Variants in CDH18 observed in about 807,000 individuals in gnomAD.
CDH18 encodes cadherin 18.
In CDH18, 31 loss-of-function variants were observed where a neutral mutation model predicts 67.9. The observed-to-expected ratio is 0.46, with a 90% CI of 0.34 to 0.62. The LOEUF (loss-of-function observed/expected upper bound fraction) is 0.62, where lower values mean the gene tolerates loss of function less well. Ranked by LOEUF, CDH18 falls within the 20% of genes least tolerant of loss-of-function variation. CDH18 has a pLI of 0.01. For synonymous variants in CDH18, 362 were observed against 347.2 expected (o/e 1.04, Z -0.48); for missense variants, 890 against 975.5 (o/e 0.91, Z 1.17).
At chr5:20,336,307 G>A (rs1377532990) in intron 1 of CDH18, among the ~76,000 whole-genome samples, 1 of 152,148 alleles carries the variant, frequency 6.6e-6, no homozygotes, top group Non-Finnish European at 1.5e-5. Flanking sequence ...GTTAGGGGCT[G>A]GTTAGGCAGA....
intron 2 of CDH18, among the ~76,000 whole-genome samples, chr5:19,843,760 A>G (rs573014907): frequency 1.2e-4 from 18 of 152,310 alleles, no homozygotes; most frequent in African/African-American, 4.1e-4. Context: ...ACAGGAGTGG[A>G]GCTACCCTAG....
intron 6 of CDH18, among the ~76,000 whole-genome samples, chr5:19,602,734 C>A (rs1051634406): frequency 1.3e-5 from 2 of 151,950 alleles, no homozygotes; most frequent in Non-Finnish European, 2.9e-5. Context: ...GTGGCCAAGG[C>A]AGGTGGATCA....
At chr5:20,043,458 A>G (rs1740626606) in intron 2 of CDH18, among the ~76,000 whole-genome samples, 1 of 152,214 alleles carries the variant, frequency 6.6e-6, no homozygotes, top group Non-Finnish European at 1.5e-5. Context: ...ACACCAGGCC[A>G]TAGAACTTGT....
chr5:20,209,489 A>T (rs1022684735), intron 2 of CDH18, among the ~76,000 whole-genome samples: 3 of 152,084 alleles, frequency 2.0e-5, no homozygotes, highest in Non-Finnish European at 4.4e-5. Flanking sequence ...AAGTGAAATA[A>T]GCTAAGCACA....
intron 6 of CDH18, among the ~76,000 whole-genome samples, chr5:19,606,010 G>A (rs1414088206): frequency 6.6e-6 from 1 of 152,120 alleles, no homozygotes; most frequent in Non-Finnish European, 1.5e-5. Context: ...GAAGGCAAAG[G>A]CGCTAGGCAG....
At chr5:19,689,796 T>A (rs1206211359) in intron 5 of CDH18, among the ~76,000 whole-genome samples, 3 of 151,774 alleles carry the variant, frequency 2.0e-5, no homozygotes, top group African/African-American at 7.2e-5. Flanking sequence ...TATAAATAAA[T>A]TAGACTTTTT....
chr5:20,411,929 G>A, intron 1 of CDH18, among the ~76,000 whole-genome samples: 1 of 151,968 alleles, frequency 6.6e-6, no homozygotes, highest in Non-Finnish European at 1.5e-5. Context: ...GGAATGAAAG[G>A]ATCAATATCA....
intron 2 of CDH18, among the ~76,000 whole-genome samples, chr5:20,159,926 G>A (rs910379437): frequency 1.1e-4 from 17 of 152,066 alleles, no homozygotes; most frequent in Admixed American, 2.6e-4. Flanking sequence ...CTCTCACCAA[G>A]AATCTCACTT....
chr5:20,098,620 A>G lies in CDH18; in HGVS notation c.-517-106606T>C, dbSNP rs548800995. On this transcript the variant is annotated intron_variant, in intron 2 of 14. Coordinates refer to the CDH18 transcript ENST00000507958. ...AGAAATTATATCATCAGAAAATAATAATTTATTGTCATTTTCAATTTTTTC... is the reference window on the plus strand; with the variant it reads ...AGAAATTATATCATCAGAAAATAATGATTTATTGTCATTTTCAATTTTTTC... Among the ~76,000 whole-genome samples the G allele has an allele frequency of 2.6e-5, 4 of 152,206 alleles. No individual in the cohort carries two copies. The East Asian group carries it at 7.7e-4, about 29-fold the overall frequency.
chr5:19,569,805 T>C (rs1177943531), intron 8 of CDH18, among the ~76,000 whole-genome samples: 2 of 152,150 alleles, frequency 1.3e-5, no homozygotes, highest in African/African-American at 4.8e-5. Flanking sequence ...AAACGATACA[T>C]ATTTAAGGTG....
At chr5:20,557,100 T>C (rs1581196543) in intron 1 of CDH18, among the ~76,000 whole-genome samples, 1 of 152,148 alleles carries the variant, frequency 6.6e-6, no homozygotes, top group Admixed American at 6.6e-5. Context: ...CTAGTATGTA[T>C]GTTCATATGT....
chr5:19,798,470 C>T (rs1256254978), intron 3 of CDH18, among the ~76,000 whole-genome samples: 1 of 151,876 alleles, frequency 6.6e-6, no homozygotes, highest in Non-Finnish European at 1.5e-5. Context: ...AATACTCATA[C>T]CTGATAAGCA....
intron 2 of CDH18, among the ~76,000 whole-genome samples, chr5:19,999,279 A>G (rs1323832858): frequency 6.6e-6 from 1 of 152,020 alleles, no homozygotes; most frequent in African/African-American, 2.4e-5. Context: ...ACATATACAC[A>G]TAACTCCTCC....
chr5:19,560,117 C>G (rs931364191), intron 8 of CDH18, among the ~76,000 whole-genome samples: 9 of 151,928 alleles, frequency 5.9e-5, no homozygotes, highest in Non-Finnish European at 1.3e-4. Flanking sequence ...CAATGCAGTT[C>G]TTAACAAAAT....
intron 2 of CDH18, among the ~76,000 whole-genome samples, chr5:20,013,465 G>C (rs1297899556): frequency 6.6e-6 from 1 of 152,018 alleles, no homozygotes; most frequent in Non-Finnish European, 1.5e-5. Flanking sequence ...TGACTAACCA[G>C]CTTAGAATGT....
At chr5:20,352,115 C>T (rs1386885635) in intron 1 of CDH18, among the ~76,000 whole-genome samples, 1 of 152,150 alleles carries the variant, frequency 6.6e-6, no homozygotes, top group Non-Finnish European at 1.5e-5. Flanking sequence ...GACCCTTGAA[C>T]AGCACGAGTT....
chr5:20,230,698 T>G (rs1238276851), intron 2 of CDH18, among the ~76,000 whole-genome samples: 1 of 152,168 alleles, frequency 6.6e-6, no homozygotes, highest in Non-Finnish European at 1.5e-5. Context: ...AACTATGTTC[T>G]ACCTCACCCT....
chr5:19,573,440 G>A (rs1354420326), intron 7 of CDH18, among the ~76,000 whole-genome samples: 3 of 152,006 alleles, frequency 2.0e-5, no homozygotes, highest in African/African-American at 2.4e-5. Flanking sequence ...CGCCACGCCC[G>A]GCTAATTTTT....
At chr5:20,315,450 G>C (rs921717746) in intron 1 of CDH18, among the ~76,000 whole-genome samples, 1 of 152,030 alleles carries the variant, frequency 6.6e-6, no homozygotes, top group Non-Finnish European at 1.5e-5. Context: ...TTTGTGCTTA[G>C]TATTCTAATT....
Sources: gnomAD v4.1 joint callset for allele counts (sites outside exome capture counted in the v4.1 genomes callset) on GRCh38, gnomAD v4.1.1 for gene constraint, MANE v1.5 for transcripts, NCBI Gene and HGNC (gene_info 2026-07-23, HGNC 2026-07-21) for gene names.